Variants in TMEM132B observed in about 807,000 individuals in gnomAD.
The protein encoded by TMEM132B is transmembrane protein 132B.
A neutral mutation model predicts 90.8 loss-of-function variants in TMEM132B; 18 were observed. The ratio of observed to expected loss-of-function variants is 0.20; its 90% CI spans 0.14 to 0.29. TMEM132B has a LOEUF of 0.29. Ranked by LOEUF, TMEM132B falls within the 10% of genes least tolerant of loss-of-function variation. The pLI, the probability that TMEM132B is intolerant of heterozygous loss-of-function variation, is 1.00. For missense variants in TMEM132B, 1,096 were observed against 1,326.8 expected, an observed-to-expected ratio of 0.83 and a Z score of 2.70; for synonymous variants, 504 against 523.3, an observed-to-expected ratio of 0.96 and a Z score of 0.50.
At chr12:125,516,011 A>G (rs1883145499) in intron 3 of TMEM132B, among the ~76,000 whole-genome samples, 1 of 151,678 alleles carries the variant, frequency 6.6e-6, no homozygotes, top group South Asian at 2.1e-4. Context: ...CCAGACTCCT[A>G]TGCACTCCCA....
At chr12:125,211,279 T>TA (rs1023647993) in intron 1 of TMEM132B, among the ~76,000 whole-genome samples, 11 of 152,184 alleles carry the variant, frequency 7.2e-5, no homozygotes, top group African/African-American at 2.7e-4. Context: ...CAATTTGAGA[T>TA]ATTTGTTTCC....
At chr12:125,256,498 A>G (rs1874441637) in intron 1 of TMEM132B, among the ~76,000 whole-genome samples, 1 of 152,168 alleles carries the variant, frequency 6.6e-6, no homozygotes, top group Admixed American at 6.5e-5. Context: ...ATTAAGTTTT[A>G]TTGGAACACA....
rs555579988 is a variant in TMEM132B at position 125,338,464 on chromosome 12, T to C, written c.68-10988T>C. Among the ~76,000 whole-genome samples, 18 of 152,348 alleles carry C rather than the reference T, an allele frequency of 1.2e-4. No homozygotes were observed. The East Asian group carries it at 2.5e-3, about 21-fold the overall frequency. ...GAGGAGTTGCCTTTTGAAGAGCTAC[T>C]GGGGAGAAGTATGAAGCATTCTGGT... On this transcript the variant is annotated intron_variant, in intron 1 of 8. Coordinates refer to ENST00000682704, the MANE Select transcript of TMEM132B (RefSeq NM_001366854.1).
chr12:125,627,069 T>A (rs11833558), intron 5 of TMEM132B, among the ~76,000 whole-genome samples: 17,523 of 152,134 alleles, frequency 0.12, 1,512 homozygotes, highest in Admixed American at 0.27. Flanking sequence ...TGGCTCTGCC[T>A]AATCTACTGA....
At chr12:125,400,158 A>G (rs1879277322) in intron 2 of TMEM132B, among the ~76,000 whole-genome samples, 1 of 152,270 alleles carries the variant, frequency 6.6e-6, no homozygotes, top group African/African-American at 2.4e-5. Context: ...CTGTTATAGT[A>G]GAAGCACTGA....
At chr12:125,429,952 C>A (rs538216637) in intron 3 of TMEM132B, among the ~76,000 whole-genome samples, 2 of 152,288 alleles carry the variant, frequency 1.3e-5, no homozygotes, top group African/African-American at 4.8e-5. Flanking sequence ...TATGCTCCCT[C>A]CTTAAGGGTG....
At position 125,536,545 on chromosome 12, in the gene TMEM132B, A is replaced by T. The variant is rs117556480; in HGVS notation, c.1293+16920A>T. On this transcript the variant is annotated intron_variant, in intron 4 of 8. Transcript: ENST00000682704. ...TAATATGGAGTCAATGATGGTGCCCACCTCACACACTGGTTGTGAGGATTA... is the reference window on the plus strand; with the variant it reads ...TAATATGGAGTCAATGATGGTGCCCTCCTCACACACTGGTTGTGAGGATTA... 7.5e-4 allele frequency among the ~76,000 whole-genome samples: 115 copies of T among 152,350 alleles called. No homozygotes were observed. In the East Asian group the frequency reaches 0.021, roughly 28 times the overall value.
At chr12:125,306,884 C>G (rs779533592) in intron 1 of TMEM132B, among the ~76,000 whole-genome samples, 1 of 152,228 alleles carries the variant, frequency 6.6e-6, no homozygotes, top group Non-Finnish European at 1.5e-5. Context: ...ATTCCCATTA[C>G]CTCTATGACT....
rs184293777 is a variant in TMEM132B, at chr12:125,539,230, C to A, written c.1293+19605C>A. ...GTCTGTGTGCCTTCTCTTGCCCACCCTCTTCCCTCACTTCTCATCCCTTTC... is the reference window on the plus strand; with the variant it reads ...GTCTGTGTGCCTTCTCTTGCCCACCATCTTCCCTCACTTCTCATCCCTTTC... On this transcript the variant is annotated intron_variant, in intron 4 of 8. Coordinates refer to ENST00000682704, the MANE Select transcript of TMEM132B (RefSeq NM_001366854.1). Among the ~76,000 whole-genome samples, 434 of 152,280 alleles carry A rather than the reference C, an allele frequency of 2.9e-3. 3 individuals carry two copies. The highest frequency in any genetic ancestry group is 3.5e-3 in the Non-Finnish European group (238 of 68,022).
rs568909900 is a variant in TMEM132B at position 125,346,270 on chromosome 12, T to C, written c.68-3182T>C. ...CCTTCTTAAAAGATAAAGAAAACAA[T>C]AAACCAATCTACAGTGAAAACAGAG... On this transcript the variant is annotated intron_variant, in intron 1 of 8. Transcript: ENST00000682704. Among the ~76,000 whole-genome samples the C allele has an allele frequency of 1.1e-4, 16 of 152,316 alleles. No homozygotes were observed. The East Asian group carries it at 2.9e-3, about 28-fold the overall frequency.
chr12:125,443,116 C>T (rs1446164487), intron 3 of TMEM132B, among the ~76,000 whole-genome samples: 2 of 152,202 alleles, frequency 1.3e-5, no homozygotes, highest in East Asian at 1.9e-4. Flanking sequence ...AGCAGCATTT[C>T]GGGGAGCTGT....
At chr12:125,290,748 C>T (rs574428576) in intron 1 of TMEM132B, among the ~76,000 whole-genome samples, 1 of 152,184 alleles carries the variant, frequency 6.6e-6, no homozygotes, top group Admixed American at 6.5e-5. Context: ...CCACGGTAAA[C>T]AATACTACAG....
chr12:125,353,182 T>C (rs1027982711), intron 2 of TMEM132B, among the ~76,000 whole-genome samples: 5 of 151,770 alleles, frequency 3.3e-5, no homozygotes, highest in Non-Finnish European at 7.3e-5. Flanking sequence ...ACTTCAGCAC[T>C]CCCTCTGCCA....
At chr12:125,514,363 T>C (rs1883053983) in intron 3 of TMEM132B, among the ~76,000 whole-genome samples, 2 of 152,150 alleles carry the variant, frequency 1.3e-5, no homozygotes, top group South Asian at 4.2e-4. Flanking sequence ...CTCATGGAGG[T>C]CATGGTCGAG....
chr12:125,256,475 C>A (rs4082124), intron 1 of TMEM132B, among the ~76,000 whole-genome samples: 43,542 of 152,034 alleles, frequency 0.29, 6,674 homozygotes, highest in Middle Eastern at 0.37. Context: ...GGTCCCCAGC[C>A]TGTTTGTTGT....
At chr12:125,414,303 A>G (rs1274814673) in intron 2 of TMEM132B, among the ~76,000 whole-genome samples, 2 of 151,798 alleles carry the variant, frequency 1.3e-5, no homozygotes, top group Non-Finnish European at 2.9e-5. Flanking sequence ...TTTTGTTTTC[A>G]TTCACTTGTT....
At chr12:125,652,905 C>A (rs1000090383) in intron 8 of TMEM132B, among the ~76,000 whole-genome samples, 9 of 152,232 alleles carry the variant, frequency 5.9e-5, no homozygotes, top group African/African-American at 1.9e-4. Context: ...TGCTGCTAGA[C>A]CATGACCAAA....
chr12:125,629,277 G>A (rs967882709), intron 5 of TMEM132B, among the ~76,000 whole-genome samples: 16 of 151,820 alleles, frequency 1.1e-4, no homozygotes, highest in Non-Finnish European at 1.6e-4. Context: ...GCACATGAAC[G>A]TAGAATATCT....
chr12:125,191,282 T>C (rs1211356122), intron 1 of TMEM132B, among the ~76,000 whole-genome samples: 1 of 151,980 alleles, frequency 6.6e-6, no homozygotes, highest in Non-Finnish European at 1.5e-5. Flanking sequence ...CAGGTGCTTC[T>C]TCCTGTGCTG....
Sources: allele counts gnomAD v4.1 joint callset (sites outside exome capture counted in the v4.1 genomes callset), GRCh38; gene constraint gnomAD v4.1.1; transcripts MANE v1.5; gene names NCBI Gene and HGNC (gene_info 2026-07-23, HGNC 2026-07-21).